The following DNAH14 variants were observed in gnomAD, a reference collection of about 807,000 sequenced individuals.
DNAH14 encodes dynein axonemal heavy chain 14.
A neutral mutation model predicts 520.9 loss-of-function variants in DNAH14; 478 were observed. The ratio of observed to expected loss-of-function variants is 0.92; its 90% CI spans 0.85 to 0.99. The LOEUF (loss-of-function observed/expected upper bound fraction) is 0.99, where lower values mean the gene tolerates loss of function less well. DNAH14 is among the 50% of genes least tolerant of loss of function. The probability of loss-of-function intolerance (pLI) is 0.00; values close to 1 mark genes in which losing one functional copy is unlikely to be tolerated. For synonymous variants in DNAH14, 1,581 were observed against 1,757.2 expected (o/e 0.90, Z 2.51); for missense variants, 4,831 against 5,234.5 (o/e 0.92, Z 2.38).
At chr1:225,330,908 G>A (rs1348515553) in intron 64 of DNAH14, among the ~76,000 whole-genome samples, 1 of 151,946 alleles carries the variant, frequency 6.6e-6, no homozygotes, top group African/African-American at 2.4e-5. Flanking sequence ...AACATCTCAT[G>A]TGCCCCCTAA....
rs1277579564 is a variant in DNAH14, at chr1:225,354,952, T to C, written c.11619+1064T>C. ...CTGCATCTGGCTTACAAACATGTTTTATTTGGCCTGAAGTTTTGTTTGGTT... is the reference window on the plus strand; with the variant it reads ...CTGCATCTGGCTTACAAACATGTTTCATTTGGCCTGAAGTTTTGTTTGGTT... On this transcript the variant is annotated intron_variant, in intron 73 of 85. Coordinates refer to ENST00000682510, the MANE Select transcript of DNAH14 (RefSeq NM_001367479.1). 2.0e-5 allele frequency among the ~76,000 whole-genome samples: 3 copies of C among 152,220 alleles called. No homozygotes were observed. In the East Asian group the frequency reaches 5.8e-4, roughly 29 times the overall value.
intron 8 of DNAH14, among the ~76,000 whole-genome samples, chr1:224,979,333 G>A (rs2062094268): frequency 6.6e-6 from 1 of 152,140 alleles, no homozygotes; most frequent in Non-Finnish European, 1.5e-5. Flanking sequence ...AGGAGGGAGA[G>A]TGCAGTGCTT....
chr1:225,051,852 A>G, intron 17 of DNAH14, 57 bp downstream of exon 17: 1 of 1,211,738 alleles, frequency 8.3e-7, no homozygotes, highest in Non-Finnish European at 1.1e-6. Context: ...TAAATTTTAA[A>G]TTTAAAATAT....
intron 81 of DNAH14, among the ~76,000 whole-genome samples, chr1:225,383,591 T>C (rs2095804478): frequency 6.6e-6 from 1 of 152,150 alleles, no homozygotes; most frequent in South Asian, 2.1e-4. Context: ...CAGGTAGAAA[T>C]GTCCGGCTTG....
At chr1:225,097,363 G>A (rs1396966046) in intron 22 of DNAH14, 124 bp downstream of exon 22, 24 of 871,450 alleles carry the variant, frequency 2.8e-5, no homozygotes, top group South Asian at 1.2e-4. Context: ...CAGACATAGG[G>A]GTATAATTTG....
rs2075788208 is a variant in DNAH14, at chr1:225,104,087, T to G, written c.3867+3203T>G. On this transcript the variant is annotated intron_variant, in intron 23 of 85. Transcript: ENST00000682510. ...CCCTCAATACCTAATTTATTGAGAG[T>G]TTTTGCATGAAGCGTTGTTGAATTT... 4.6e-5 allele frequency among the ~76,000 whole-genome samples: 7 copies of G among 152,272 alleles called. No homozygotes were observed. In the South Asian group the frequency reaches 1.5e-3, roughly 32 times the overall value.
chr1:225,362,117 G>C (rs1194317297), intron 75 of DNAH14, among the ~76,000 whole-genome samples: 3 of 152,188 alleles, frequency 2.0e-5, no homozygotes, highest in African/African-American at 7.2e-5. Context: ...CAGCTTTCCA[G>C]AGGATACTAA....
At chr1:225,207,623 A>C (rs535059147) in intron 41 of DNAH14, among the ~76,000 whole-genome samples, 1 of 152,350 alleles carries the variant, frequency 6.6e-6, no homozygotes, top group African/African-American at 2.4e-5. Flanking sequence ...AAACAGATTC[A>C]GAAAATCATG....
intron 49 of DNAH14, among the ~76,000 whole-genome samples, chr1:225,267,526 G>A (rs993526360): frequency 2.6e-5 from 4 of 151,960 alleles, no homozygotes; most frequent in Non-Finnish European, 4.4e-5. Flanking sequence ...ATCTGACCTC[G>A]TGATCCGCCT....
At chr1:225,348,783 G>A (rs77435460) in intron 71 of DNAH14, among the ~76,000 whole-genome samples, 1,556 of 152,254 alleles carry the variant, frequency 0.01, 34 homozygotes, top group African/African-American at 0.035. Context: ...TGTGAAAAAT[G>A]TAAGGTTCTT....
chr1:225,250,715 C>A lies in DNAH14; in HGVS notation c.6749-1586C>A, dbSNP rs970306850. On this transcript the variant is annotated intron_variant, in intron 43 of 85. Transcript: ENST00000682510. ...GAGAAAGGGGAACTGTGGGCAAGTA[C>A]CTTTATTGTGGTTTCTGCAGGAAGG... The A allele has an allele frequency of 1.1e-5, 6 of 532,968 alleles. No homozygotes were observed. The African/African-American group carries it at 1.2e-4, about 11-fold the overall frequency. The allele number at this position is 532,968 out of a possible 1,614,324, so 33.0% of individuals were successfully genotyped here.
Position 225,382,437 on chromosome 1 carries a change from G to A in DNAH14, c.13077+858G>A, listed in dbSNP as rs577548548. 4.6e-5 allele frequency among the ~76,000 whole-genome samples: 7 copies of A among 152,176 alleles called. No individual in the cohort carries two copies. The South Asian group carries it at 1.5e-3, about 32-fold the overall frequency. ...AAGCATAAATCCAGGCCGGGCACAGGGCCTCATGCTTGTAATCTCAGCACT... is the reference window on the plus strand; with the variant it reads ...AAGCATAAATCCAGGCCGGGCACAGAGCCTCATGCTTGTAATCTCAGCACT... On this transcript the variant is annotated intron_variant, in intron 81 of 85. Transcript: ENST00000682510.
chr1:225,036,754 C>T (rs965782762), intron 11 of DNAH14, among the ~76,000 whole-genome samples: 2 of 152,274 alleles, frequency 1.3e-5, no homozygotes, highest in Admixed American at 6.5e-5. Flanking sequence ...TTACTGTCTG[C>T]TCTTTCTGGC....
chr1:225,288,051 C>A lies in DNAH14; in HGVS notation c.8272-1834C>A, dbSNP rs1462390518. ...TATCCACATAATGTACGTAGGTAGT[C>A]TACCCTCAAGAAGCTGGGCATAACT... On this transcript the variant is annotated intron_variant, in intron 54 of 85. Transcript: ENST00000682510. Among the ~76,000 whole-genome samples the A allele has an allele frequency of 2.0e-5, 3 of 152,076 alleles. No individual in the cohort carries two copies. In the East Asian group the frequency reaches 5.8e-4, roughly 29 times the overall value.
intron 8 of DNAH14, 25 bp from the exon 9 acceptor site, chr1:225,002,758 T>G (rs1381507867): frequency 6.5e-7 from 1 of 1,543,336 alleles, no homozygotes; most frequent in South Asian, 1.2e-5. Context: ...GAGAGATATA[T>G]CTGTAGAAAT....
intron 21 of DNAH14, among the ~76,000 whole-genome samples, chr1:225,091,022 A>G (rs977591815): frequency 6.6e-6 from 1 of 152,154 alleles, no homozygotes; most frequent in Non-Finnish European, 1.5e-5. Context: ...CTCAAAATTC[A>G]TTGATAAGAA....
At chr1:225,140,248 C>T (rs56030006) in intron 27 of DNAH14, among the ~76,000 whole-genome samples, 3,613 of 152,278 alleles carry the variant, frequency 0.024, 108 homozygotes, top group African/African-American at 0.073. Context: ...TATAAGCTGT[C>T]CTGATGTATC....
In DNAH14 at chr1:224,952,787, T is replaced by C. The variant is rs748219208; in HGVS notation, c.77+8T>C. 3 of 1,566,280 alleles carry C rather than the reference T, an allele frequency of 1.9e-6. No homozygotes were observed. The South Asian group carries it at 3.6e-5, about 19-fold the overall frequency. On this transcript the variant is annotated splice_region_variant and intron_variant, in intron 2 of 85. Coordinates refer to ENST00000682510, the MANE Select transcript of DNAH14 (RefSeq NM_001367479.1). Reference sequence around the variant, plus strand: ...AACCAAGACAAAACCAAGGTAAAAGTAAGATAAAATATAATGAGTTTTTTT... The same window carrying C: ...AACCAAGACAAAACCAAGGTAAAAGCAAGATAAAATATAATGAGTTTTTTT...
intron 44 of DNAH14, among the ~76,000 whole-genome samples, chr1:225,252,840 A>C (rs596036): frequency 0.2 from 30,912 of 152,094 alleles, 3,322 homozygotes; most frequent in East Asian, 0.37. Context: ...TCACAAATAT[A>C]CATATATGCT....
Sources: gnomAD v4.1 joint callset for allele counts (sites outside exome capture counted in the v4.1 genomes callset) on GRCh38, gnomAD v4.1.1 for gene constraint, MANE v1.5 for transcripts, NCBI Gene and HGNC (gene_info 2026-07-23, HGNC 2026-07-21) for gene names.